Variants in MPRIP observed in about 807,000 individuals in gnomAD.
MPRIP encodes myosin phosphatase Rho-interacting protein.
In MPRIP, 59 loss-of-function variants were observed where a neutral mutation model predicts 234.9. The observed-to-expected ratio is 0.25, with a 90% CI of 0.20 to 0.31. The LOEUF (loss-of-function observed/expected upper bound fraction) is 0.31. Among genes scored for constraint, MPRIP ranks in the 10% least tolerant of loss-of-function variants. The pLI is 1.00. For synonymous variants in MPRIP, 1,144 were observed against 1,263.9 expected, an observed-to-expected ratio of 0.91 and a Z score of 2.01; for missense variants, 2,436 against 3,071.0, an observed-to-expected ratio of 0.79 and a Z score of 4.89.
chr17:17,087,800 G>T (rs887301983), intron 3 of MPRIP, among the ~76,000 whole-genome samples: 4 of 152,242 alleles, frequency 2.6e-5, no homozygotes, highest in African/African-American at 4.8e-5. Context: ...CTGATGTAAA[G>T]ATTTCAGGTA....
Position 17,167,524 on chromosome 17 carries a change from A to G in MPRIP, c.5933A>G (p.Asp1978Gly), listed in dbSNP as rs1204533429. The G allele has an allele frequency of 7.7e-7, 1 of 1,304,230 alleles. No homozygotes were observed. 80.8% of individuals were successfully genotyped at this position (1,304,230 alleles called of 1,614,324 possible). Residue 1978 changes from aspartate to glycine, a missense_variant, in exon 16 of 24, where the codon GAT becomes GGT. Transcript: ENST00000651222. The surrounding 1 kb of genome is among the most constrained non-coding windows in gnomAD (Gnocchi z 5.9). ...AERSRVLSQL[D>G]ASVRDRQDME... Reference sequence around the variant, plus strand: ...CGCAGCCGGGTCCTGAGCCAGCTGGATGCCTCGGTCAGAGACAGGCAGGAC... The same window carrying G: ...CGCAGCCGGGTCCTGAGCCAGCTGGGTGCCTCGGTCAGAGACAGGCAGGAC...
intron 3 of MPRIP, among the ~76,000 whole-genome samples, chr17:17,094,927 A>T (rs4985723): frequency 0.13 from 19,325 of 151,474 alleles, 1,904 homozygotes; most frequent in African/African-American, 0.26. Context: ...ATTTTTTTTT[A>T]AAATTTTTCC....
At position 17,177,310 on chromosome 17, in the gene MPRIP, G is replaced by T; in HGVS notation, c.7018G>T (p.Ala2340Ser). 2 of 1,614,054 alleles carry T rather than the reference G, an allele frequency of 1.2e-6. No individual in the cohort carries two copies. Among genetic ancestry groups the T allele is most frequent in the South Asian group, 2.2e-5 (2 of 91,092 alleles). Reference sequence around the variant, plus strand: ...CTACACAGAGCTCAGCATCGCGAAGGCTAAGGCTGACTGTGACATCAGCAG... The same window carrying T: ...CTACACAGAGCTCAGCATCGCGAAGTCTAAGGCTGACTGTGACATCAGCAG... ...DIYTELSIAK[A>S]KADCDISRLK... is the part of the protein sequence containing the mutation. The change falls in exon 22 of 24, where the codon GCT (alanine) becomes TCT (serine). Residue 2340 changes from alanine (A) to serine (S), a missense_variant. This residue lies in a region of MPRIP where 1,998 missense variants were observed against 2,520.3 expected (regional missense o/e 0.79). Transcript: ENST00000651222.
intron 11 of MPRIP, chr17:17,149,723 ATG>A (rs1159619934): frequency 3.8e-5 from 4 of 105,752 alleles, no homozygotes; most frequent in Non-Finnish European, 9.4e-5. Flanking sequence ...ATATATTTAA[ATG>A]TATAAAATAT....
At chr17:17,181,093 G>T (rs1047237596) in intron 23 of MPRIP, among the ~76,000 whole-genome samples, 9 of 152,234 alleles carry the variant, frequency 5.9e-5, no homozygotes, top group African/African-American at 2.2e-4. Context: ...AGGCTAACAG[G>T]GTGGTCATTC....
chr17:17,125,304 G>T (rs752523388), intron 3 of MPRIP, among the ~76,000 whole-genome samples: 5 of 152,228 alleles, frequency 3.3e-5, no homozygotes, highest in Non-Finnish European at 7.3e-5. Flanking sequence ...TTCCCTGTGA[G>T]CCCAGCCTCC....
chr17:17,067,444 G>C (rs534301213), intron 1 of MPRIP, among the ~76,000 whole-genome samples: 1 of 152,192 alleles, frequency 6.6e-6, no homozygotes, highest in Admixed American at 6.5e-5. Flanking sequence ...GCGTGGATGC[G>C]CTGGACAAAG....
At chr17:17,096,288 GGTGTGTGTGTGTGTGTGTGT>G (rs59748753) in intron 3 of MPRIP, among the ~76,000 whole-genome samples, 1,434 of 136,578 alleles carry the variant, frequency 0.01, 16 homozygotes, top group African/African-American at 0.032. Context: ...GTGTGTGCAG[GGTGTGTGTGTGTGTGTGTGT>G]GTGTGTGTGT....
At chr17:17,136,535 G>A (rs1217546792) in intron 6 of MPRIP, 85 bp downstream of exon 6, 7 of 1,318,174 alleles carry the variant, frequency 5.3e-6, no homozygotes, top group Non-Finnish European at 7.4e-6. Context: ...GCCAAGGCCT[G>A]TAGAGCCCAG....
chr17:17,118,907 A>G (rs1327831029), intron 3 of MPRIP, among the ~76,000 whole-genome samples: 1 of 152,058 alleles, frequency 6.6e-6, no homozygotes, highest in East Asian at 1.9e-4. Flanking sequence ...CCCTTTCTAC[A>G]CTTGATGGCC....
At chr17:17,059,156 C>CA (rs1249872290) in intron 1 of MPRIP, among the ~76,000 whole-genome samples, 1 of 152,130 alleles carries the variant, frequency 6.6e-6, no homozygotes, top group Non-Finnish European at 1.5e-5. Context: ...TTTTCTAAGA[C>CA]AAAAATTTGC....
chr17:17,166,980 G>C lies in MPRIP; in HGVS notation c.5389G>C (p.Ala1797Pro). The change falls in exon 16 of 24, where the codon GCG becomes CCG. Residue 1797 changes from alanine (A) to proline (P), a missense_variant. Physicochemically the swap from Ala to Pro is conservative, Grantham distance 27 (BLOSUM62 -1). Coordinates refer to ENST00000651222, the MANE Select transcript of MPRIP (RefSeq NM_001364716.4). The surrounding 1 kb of genome is among the most constrained non-coding windows in gnomAD (Gnocchi z 4.4). ...KEKASLLEEI[A>P]AALPSLPPVE... is the part of the protein sequence containing the mutation. The stretch of plus-strand genomic sequence containing the variant: ...GAAGGCCAGCCTCTTAGAGGAGATA[G>C]CGGCTGCCTTACCATCTCTGCCACC... 7.7e-7 allele frequency: 1 copy of C among 1,304,260 alleles called. No individual in the cohort carries two copies. Among genetic ancestry groups the C allele is most frequent in the Non-Finnish European group, 1.0e-6 (1 of 988,960 alleles). 80.8% of individuals were successfully genotyped at this position (1,304,260 alleles called of 1,614,324 possible).
At chr17:17,059,759 C>T (rs1025028603) in intron 1 of MPRIP, among the ~76,000 whole-genome samples, 14 of 152,232 alleles carry the variant, frequency 9.2e-5, no homozygotes, top group African/African-American at 2.9e-4. Flanking sequence ...AGGGGCATCC[C>T]TGACCTGCCT....
chr17:17,170,000 C>G (rs543908791), intron 16 of MPRIP: 1 of 151,090 alleles, frequency 6.6e-6, no homozygotes, highest in Non-Finnish European at 1.5e-5. Context: ...TATTCCAAAG[C>G]ACTCAGATCA....
chr17:17,057,561 G>A, intron 1 of MPRIP: 1 of 716,630 alleles, frequency 1.4e-6, no homozygotes, highest in Non-Finnish European at 2.6e-6. Context: ...GGACCTTGGG[G>A]TCAGCTAGAG....
At chr17:17,061,546 A>G (rs2088867560) in intron 1 of MPRIP, among the ~76,000 whole-genome samples, 1 of 152,246 alleles carries the variant, frequency 6.6e-6, no homozygotes, top group Non-Finnish European at 1.5e-5. Flanking sequence ...CATCTGTCCC[A>G]TCCAGTGCCT....
chr17:17,089,584 G>A (rs2089668589), intron 3 of MPRIP, among the ~76,000 whole-genome samples: 1 of 151,978 alleles, frequency 6.6e-6, no homozygotes, highest in Non-Finnish European at 1.5e-5. Flanking sequence ...CTTCCTACCT[G>A]AGCCTTTCGA....
chr17:17,189,410 C>G lies in MPRIP; in HGVS notation c.*4516C>G, dbSNP rs1032493417. ...TTCACCATGTTGGTCAGGATGGTCT[C>G]GATTTCCTGACCTCGTGATCCGCCT... On this transcript the variant is annotated 3_prime_UTR_variant, in exon 24 of 24. Coordinates refer to ENST00000651222, the MANE Select transcript of MPRIP (RefSeq NM_001364716.4). 6.6e-6 allele frequency: 1 copy of G among 151,624 alleles called. No individual in the cohort carries two copies. The highest frequency in any genetic ancestry group is 1.5e-5 in the Non-Finnish European group (1 of 67,958). The allele number at this position is 151,624 out of a possible 1,614,324, so 9.4% of individuals were successfully genotyped here. A position where few individuals can be genotyped will look rare whatever the true frequency, so the allele number is the denominator to read the frequency against.
At chr17:17,073,857 C>T (rs2089262693) in intron 1 of MPRIP, among the ~76,000 whole-genome samples, 1 of 152,188 alleles carries the variant, frequency 6.6e-6, no homozygotes, top group South Asian at 2.1e-4. Context: ...CTCCTTGGCC[C>T]TCCTGGACTA....
Sources: allele counts gnomAD v4.1 joint callset (sites outside exome capture counted in the v4.1 genomes callset), GRCh38; gene constraint gnomAD v4.1.1; regional missense constraint gnomAD v4.1.1; non-coding constraint Gnocchi (gnomAD v3.1); transcripts MANE v1.5; gene names NCBI Gene and HGNC (gene_info 2026-07-23, HGNC 2026-07-21).